The following CD6 variants were observed in gnomAD, a reference collection of about 807,000 sequenced individuals.
CD6 encodes the protein CD6 molecule.
In CD6, 53 loss-of-function variants were observed where a neutral mutation model predicts 75.3. The ratio of observed to expected loss-of-function variants is 0.70; its 90% CI spans 0.56 to 0.88. The LOEUF (loss-of-function observed/expected upper bound fraction) is 0.88, where lower values mean the gene tolerates loss of function less well. Ranked by LOEUF, CD6 falls within the 40% of genes least tolerant of loss-of-function variation. The pLI, the probability that CD6 is intolerant of heterozygous loss-of-function variation, is 0.00. For missense variants in CD6, 770 were observed against 897.1 expected (o/e 0.86, Z 1.81); for synonymous variants, 359 against 381.5 (o/e 0.94, Z 0.69).
At chr11:61,000,581 C>G (rs1433984474) in intron 1 of CD6, among the ~76,000 whole-genome samples, 1 of 152,186 alleles carries the variant, frequency 6.6e-6, no homozygotes, top group Non-Finnish European at 1.5e-5. Flanking sequence ...GGGCGGCATT[C>G]TGGGGAGTGC....
At chr11:61,009,933 C>T in intron 5 of CD6, 59 bp downstream of exon 5, 1 of 1,493,546 alleles carries the variant, frequency 6.7e-7, no homozygotes, top group Middle Eastern at 1.8e-4. Flanking sequence ...GAATCCATGT[C>T]CTAAAAACTT....
chr11:60,982,247 C>G (rs1396995671), intron 1 of CD6, among the ~76,000 whole-genome samples: 1 of 151,576 alleles, frequency 6.6e-6, no homozygotes, highest in African/African-American at 2.4e-5. Context: ...GACTTGGAGT[C>G]ATGTACTGAG....
At chr11:60,994,788 C>A (rs984167409) in intron 1 of CD6, among the ~76,000 whole-genome samples, 4 of 152,234 alleles carry the variant, frequency 2.6e-5, no homozygotes, top group African/African-American at 9.6e-5. Context: ...GTGCTAGGAA[C>A]TGGGACAGGT....
At position 61,009,622 on chromosome 11, in the gene CD6, G is replaced by C; in HGVS notation, c.832G>C (p.Val278Leu). ...GGGCGCTGACCGCTGCGAGGGGCAG[G>C]TGGAGGTACACTTCCGAGGGGTCTG... ...TGGADRCEGQ[V>L]EVHFRGVWNT... is the part of the protein sequence containing the mutation. Residue 278 changes from valine to leucine, a missense_variant, in exon 5 of 13, where the codon GTG (valine) becomes CTG (leucine). Physicochemically the swap from Val to Leu is conservative, Grantham distance 32. Transcript: ENST00000313421. 8 of 1,613,558 alleles carry C rather than the reference G, an allele frequency of 5.0e-6. No individual in the cohort carries two copies. The highest frequency in any genetic ancestry group is 6.8e-6 in the Non-Finnish European group (8 of 1,179,916).
chr11:61,013,659 G>A (rs111742961), intron 7 of CD6, 96 bp downstream of exon 7: 37 of 1,347,062 alleles, frequency 2.7e-5, no homozygotes, highest in African/African-American at 7.3e-5. Context: ...ATGACCACCC[G>A]GCCCTGGCCC....
At position 60,979,477 on chromosome 11, in the gene CD6, T is replaced by C. The variant is rs577819625; in HGVS notation, c.49+7563T>C. On this transcript the variant is annotated intron_variant, in intron 1 of 12. Coordinates refer to ENST00000313421, the MANE Select transcript of CD6 (RefSeq NM_006725.5). The stretch of plus-strand genomic sequence containing the variant: ...TTGTTTTGTTTTCTTTTTTTTTTTT[T>C]TCTTTTTGAGACGGAGTCTCAGTCT... 4.6e-5 allele frequency among the ~76,000 whole-genome samples: 7 copies of C among 151,852 alleles called. No homozygotes were observed. The East Asian group carries it at 1.2e-3, about 25-fold the overall frequency.
At chr11:60,973,459 T>C (rs1395026135) in intron 1 of CD6, among the ~76,000 whole-genome samples, 1 of 152,240 alleles carries the variant, frequency 6.6e-6, no homozygotes, top group East Asian at 1.9e-4. Flanking sequence ...TGTTGATATT[T>C]ACTTGACTCA....
rs2135163294 is a variant in CD6, at chr11:61,007,863, A to G, written c.422A>G (p.Glu141Gly). Reference sequence around the variant, plus strand: ...GAGTGGCGGCTCTGCGAGGTGGTGGAGCACGCGTGCCGCAGCGACGGGAGG... The same window carrying G: ...GAGTGGCGGCTCTGCGAGGTGGTGGGGCACGCGTGCCGCAGCGACGGGAGG... ...GAEWRLCEVV[E>G]HACRSDGRRA... The change falls in exon 3 of 13, where the codon GAG (glutamate) becomes GGG (glycine). Residue 141 changes from glutamate to glycine, a missense_variant. By Grantham distance (98) the Glu-to-Gly change is moderately conservative. Transcript: ENST00000313421. The surrounding 1 kb of genome is among the most constrained non-coding windows in gnomAD (Gnocchi z 4.2). 1 of 1,393,624 alleles carries G rather than the reference A, an allele frequency of 7.2e-7. No homozygotes were observed. Among genetic ancestry groups the G allele is most frequent in the Non-Finnish European group, 9.3e-7 (1 of 1,080,348 alleles). The allele number at this position is 1,393,624 out of a possible 1,614,324, so 86.3% of individuals were successfully genotyped here.
At chr11:61,000,192 A>G (rs1312600255) in intron 1 of CD6, among the ~76,000 whole-genome samples, 1 of 152,198 alleles carries the variant, frequency 6.6e-6, no homozygotes, top group Non-Finnish European at 1.5e-5. Flanking sequence ...TCCAGGCAGT[A>G]TGGTACTTGA....
At chr11:60,974,176 A>G (rs1857285891) in intron 1 of CD6, among the ~76,000 whole-genome samples, 1 of 152,174 alleles carries the variant, frequency 6.6e-6, no homozygotes, top group African/African-American at 2.4e-5. Flanking sequence ...TGCGTGTGGA[A>G]GTTTCAGGCC....
At chr11:61,009,451 G>T in intron 4 of CD6, 121 bp from the exon 5 acceptor site, 1 of 876,962 alleles carries the variant, frequency 1.1e-6, no homozygotes. Flanking sequence ...ACAGGAGGGA[G>T]AAGACACAAG....
intron 7 of CD6, among the ~76,000 whole-genome samples, 171 bp from the exon 8 acceptor site, chr11:61,013,748 G>A (rs1422885968): frequency 1.3e-5 from 2 of 152,178 alleles, no homozygotes; most frequent in African/African-American, 4.8e-5. Context: ...GAACCAGACT[G>A]TGCATGTGTG....
At chr11:61,002,956 C>CTT (rs1858665599) in intron 1 of CD6, among the ~76,000 whole-genome samples, 1 of 107,336 alleles carries the variant, frequency 9.3e-6, no homozygotes, top group South Asian at 2.9e-4. Flanking sequence ...CTAATCAACT[C>CTT]TTTTCTTTTC....
intron 5 of CD6, 41 bp downstream of exon 5, chr11:61,009,915 T>A (rs1859067068): frequency 1.3e-6 from 2 of 1,513,602 alleles, no homozygotes; most frequent in African/African-American, 1.4e-5. Context: ...TGAGCCAGAA[T>A]TCTACCTGAA....
intron 1 of CD6, among the ~76,000 whole-genome samples, chr11:60,999,577 G>A (rs1858477916): frequency 6.6e-6 from 1 of 151,680 alleles, no homozygotes; most frequent in Admixed American, 6.6e-5. Context: ...TTAACATTGT[G>A]GCATAAACTT....
At chr11:61,006,448 C>A in intron 1 of CD6, 126 bp from the exon 2 acceptor site, 1 of 708,276 alleles carries the variant, frequency 1.4e-6, no homozygotes, top group Non-Finnish European at 2.4e-6. Context: ...TTGAGGACCA[C>A]GTCTTTTCCA....
At chr11:61,003,983 T>C (rs12794085) in intron 1 of CD6, among the ~76,000 whole-genome samples, 3 of 73,076 alleles carry the variant, frequency 4.1e-5, no homozygotes, top group Non-Finnish European at 8.9e-5. Context: ...CTGCTGCTCA[T>C]TCATTCAGTC....
chr11:61,006,904 G>A (rs79203976), intron 2 of CD6, among the ~76,000 whole-genome samples: 4,125 of 152,238 alleles, frequency 0.027, 82 homozygotes, highest in South Asian at 0.073. Flanking sequence ...TTGAGAACAG[G>A]CTAGAGTTCT....
Position 60,984,438 on chromosome 11 carries a change from G to A in CD6, c.49+12524G>A, listed in dbSNP as rs548383007. Among the ~76,000 whole-genome samples, 335 of 152,158 alleles carry A rather than the reference G, an allele frequency of 2.2e-3. 6 individuals are homozygous for A. Among genetic ancestry groups the A allele is most frequent in the African/African-American group, 7.2e-3 (299 of 41,500 alleles). ...GGTGGCTGCTGTCTTGCCCCGCCTC[G>A]GATATTGGAGTCCGGGTCAGCACCT... On this transcript the variant is annotated intron_variant, in intron 1 of 12. Coordinates refer to ENST00000313421, the MANE Select transcript of CD6 (RefSeq NM_006725.5).
Sources: gnomAD v4.1 joint callset for allele counts (sites outside exome capture counted in the v4.1 genomes callset) on GRCh38, gnomAD v4.1.1 for gene constraint, Gnocchi (gnomAD v3.1) non-coding constraint, MANE v1.5 for transcripts, NCBI Gene and HGNC (gene_info 2026-07-23, HGNC 2026-07-21) for gene names.